UBE2E3: variants seen among roughly 807,000 people sequenced by gnomAD.
UBE2E3 encodes ubiquitin-conjugating enzyme E2 E3.
A neutral mutation model predicts 23.6 loss-of-function variants in UBE2E3; 5 were observed. That is an observed-to-expected ratio of 0.21 (90% CI 0.11 to 0.44). The LOEUF is 0.44. Among genes scored for constraint, UBE2E3 ranks in the 20% least tolerant of loss-of-function variants. The probability of loss-of-function intolerance (pLI) is 0.99; values close to 1 mark genes in which losing one functional copy is unlikely to be tolerated. For synonymous variants in UBE2E3, 78 were observed against 87.5 expected, an observed-to-expected ratio of 0.89 and a Z score of 0.60; for missense variants, 81 against 249.8, an observed-to-expected ratio of 0.32 and a Z score of 4.55.
At chr2:181,041,108 T>G (rs1686480268) in intron 3 of UBE2E3, among the ~76,000 whole-genome samples, 1 of 151,328 alleles carries the variant, frequency 6.6e-6, no homozygotes. Flanking sequence ...ATTAGACGGG[T>G]GTGGCAGCAC....
At chr2:181,017,739 T>G (rs1014804163) in intron 3 of UBE2E3, among the ~76,000 whole-genome samples, 9 of 149,472 alleles carry the variant, frequency 6.0e-5, no homozygotes, top group Non-Finnish European at 1.0e-4. Flanking sequence ...TGTTTCCTAA[T>G]TTGTTTAAGT....
intron 3 of UBE2E3, among the ~76,000 whole-genome samples, chr2:180,993,876 A>G (rs1047122416): frequency 3.3e-5 from 5 of 152,234 alleles, no homozygotes; most frequent in Admixed American, 2.6e-4. Flanking sequence ...ACCATAAGGC[A>G]TTGGCTTTAT....
chr2:181,018,370 G>GTA (rs35440345), intron 3 of UBE2E3, among the ~76,000 whole-genome samples: 3,576 of 149,498 alleles, frequency 0.024, 129 homozygotes, highest in African/African-American at 0.08. Context: ...CTGTGTGTGT[G>GTA]TATATATATA....
chr2:181,018,604 T>TTA, intron 3 of UBE2E3, among the ~76,000 whole-genome samples: 1 of 92,914 alleles, frequency 1.1e-5, no homozygotes, highest in East Asian at 2.4e-4. Flanking sequence ...CTGTGTTTTT[T>TTA]TTTTTTTTTT....
Position 181,041,357 on chromosome 2 carries a change from T to C in UBE2E3, c.246-16336T>C, listed in dbSNP as rs191850838. On this transcript the variant is annotated intron_variant, in intron 3 of 5. Coordinates refer to ENST00000410062, the MANE Select transcript of UBE2E3 (RefSeq NM_006357.4). ...TGAACAGTAATAGAAGCTTAGAACA[T>C]ACTACTTTTTATATAGATGTCAGTA... Among the ~76,000 whole-genome samples, 123 of 151,298 alleles carry C rather than the reference T, an allele frequency of 8.1e-4. 1 individual carries two copies. Among genetic ancestry groups the C allele is most frequent in the African/African-American group, 3.0e-3 (123 of 41,238 alleles).
chr2:180,996,586 A>G lies in UBE2E3; in HGVS notation c.245+12493A>G, dbSNP rs532836040. Among the ~76,000 whole-genome samples, 8 of 152,136 alleles carry G rather than the reference A, an allele frequency of 5.3e-5. No homozygotes were observed. In the East Asian group the frequency reaches 1.4e-3, roughly 26 times the overall value. On this transcript the variant is annotated intron_variant, in intron 3 of 5. Coordinates refer to ENST00000410062, the MANE Select transcript of UBE2E3 (RefSeq NM_006357.4). ...CTTGGAAGACATTGAACATCCTCAG[A>G]CTCTGCTGACTAAATGCTATGTTCT...
chr2:181,030,148 A>G (rs112844162), intron 3 of UBE2E3, among the ~76,000 whole-genome samples: 2 of 151,754 alleles, frequency 1.3e-5, no homozygotes, highest in Non-Finnish European at 1.5e-5. Context: ...TTTTTCCATG[A>G]AAGTATTTTG....
chr2:181,022,537 CA>C (rs747530569), intron 3 of UBE2E3, among the ~76,000 whole-genome samples: 3 of 151,932 alleles, frequency 2.0e-5, no homozygotes, highest in Non-Finnish European at 4.4e-5. Context: ...TCGTGGCCAA[CA>C]GCACTATAAC....
chr2:181,032,827 C>G (rs1270609469), intron 3 of UBE2E3, among the ~76,000 whole-genome samples: 1 of 152,174 alleles, frequency 6.6e-6, no homozygotes, highest in South Asian at 2.1e-4. Flanking sequence ...TAAGCAACTT[C>G]AGCAAAGTCT....
chr2:181,056,575 C>T (rs921761548), intron 3 of UBE2E3, among the ~76,000 whole-genome samples: 2 of 151,740 alleles, frequency 1.3e-5, no homozygotes, highest in African/African-American at 2.4e-5. Context: ...AGTGAGGACT[C>T]ACCCCTGAGG....
At chr2:181,007,976 A>G (rs1225793991) in intron 3 of UBE2E3, among the ~76,000 whole-genome samples, 3 of 152,240 alleles carry the variant, frequency 2.0e-5, no homozygotes, top group African/African-American at 7.2e-5. Context: ...TTATTCTTCA[A>G]GCATCCACTG....
At chr2:181,016,823 T>C (rs1483008439) in intron 3 of UBE2E3, among the ~76,000 whole-genome samples, 5 of 152,152 alleles carry the variant, frequency 3.3e-5, no homozygotes, top group African/African-American at 1.2e-4. Flanking sequence ...AAAAAATTGG[T>C]ATGAAAGTCT....
At chr2:181,047,471 G>A (rs184182806) in intron 3 of UBE2E3, among the ~76,000 whole-genome samples, 1 of 151,884 alleles carries the variant, frequency 6.6e-6, no homozygotes, top group Non-Finnish European at 1.5e-5. Flanking sequence ...AAACTTCTTA[G>A]TCCCAGTGTA....
At chr2:181,008,788 T>A (rs867412051) in intron 3 of UBE2E3, among the ~76,000 whole-genome samples, 1 of 152,196 alleles carries the variant, frequency 6.6e-6, no homozygotes, top group African/African-American at 2.4e-5. Flanking sequence ...AAGCAAATGT[T>A]AAACAGTTAT....
chr2:180,986,065 C>T (rs1684458754), intron 3 of UBE2E3, among the ~76,000 whole-genome samples: 1 of 152,088 alleles, frequency 6.6e-6, no homozygotes, highest in Admixed American at 6.5e-5. Context: ...TGAAATAATG[C>T]TTCCTCATTT....
chr2:181,033,478 T>C (rs1686155432), intron 3 of UBE2E3, among the ~76,000 whole-genome samples: 1 of 152,234 alleles, frequency 6.6e-6, no homozygotes, highest in African/African-American at 2.4e-5. Context: ...GCTAGCCATA[T>C]GTAGAAAGCT....
At chr2:181,010,416 G>A (rs746954528) in intron 3 of UBE2E3, among the ~76,000 whole-genome samples, 1 of 152,042 alleles carries the variant, frequency 6.6e-6, no homozygotes, top group Non-Finnish European at 1.5e-5. Flanking sequence ...TACAAGTCGC[G>A]CTCTTATTGC....
At chr2:180,982,353 T>C in intron 2 of UBE2E3, 117 bp downstream of exon 2, 1 of 919,898 alleles carries the variant, frequency 1.1e-6, no homozygotes. Flanking sequence ...TCATTATCAG[T>C]TTAATTGTAC....
intron 3 of UBE2E3, among the ~76,000 whole-genome samples, chr2:181,039,459 A>G (rs1208181200): frequency 6.6e-6 from 1 of 152,068 alleles, no homozygotes; most frequent in Admixed American, 6.6e-5. Context: ...CTGTGGTCGA[A>G]TGTAAAAACA....
Sources: allele counts gnomAD v4.1 joint callset (sites outside exome capture counted in the v4.1 genomes callset), GRCh38; gene constraint gnomAD v4.1.1; transcripts MANE v1.5; gene names NCBI Gene and HGNC (gene_info 2026-07-23, HGNC 2026-07-21).